The following PRRC2C variants were observed in gnomAD, a reference collection of about 807,000 sequenced individuals.
PRRC2C encodes the protein protein PRRC2C.
In PRRC2C, 72 loss-of-function variants were observed where a neutral mutation model predicts 317.2. The ratio of observed to expected loss-of-function variants is 0.23; its 90% CI spans 0.19 to 0.28. PRRC2C has a LOEUF of 0.28. Among genes scored for constraint, PRRC2C ranks in the 10% least tolerant of loss-of-function variants. The pLI is 1.00. For synonymous variants in PRRC2C, 1,296 were observed against 1,205.9 expected (o/e 1.07, Z -1.55); for missense variants, 3,074 against 3,459.7 (o/e 0.89, Z 2.80).
intron 1 of PRRC2C, among the ~76,000 whole-genome samples, chr1:171,505,642 C>T (rs1177525753): frequency 6.6e-6 from 1 of 151,966 alleles, no homozygotes; most frequent in East Asian, 1.9e-4. Context: ...ATATCCTTAC[C>T]TCATTTCTCT....
In PRRC2C at chr1:171,515,859, A is replaced by T; in HGVS notation, c.526A>T (p.Asn176Tyr). ...YGPGPSLRPP[N>Y]VACWRDGGKA... Reference sequence around the variant, plus strand: ...ACCTGGACCCAGTTTACGTCCACCAAGTAAGAGTACTTTCTCTTTAATACA... The same window carrying T: ...ACCTGGACCCAGTTTACGTCCACCATGTAAGAGTACTTTCTCTTTAATACA... Residue 176 changes from asparagine to tyrosine, a missense_variant and splice_region_variant, in exon 5 of 35, where the codon AAT becomes TAT. Asn to Tyr is a moderately radical substitution (Grantham distance 143, BLOSUM62 -2). Coordinates refer to ENST00000647382, the MANE Select transcript of PRRC2C (RefSeq NM_001387844.1). The T allele has an allele frequency of 6.3e-7, 1 of 1,588,980 alleles. No individual in the cohort carries two copies. Among genetic ancestry groups the T allele is most frequent in the Admixed American group, 1.9e-5 (1 of 53,336 alleles).
rs942165724 is a variant in PRRC2C at position 171,532,787 on chromosome 1, A to G, written c.1699A>G (p.Lys567Glu). The part of the protein sequence containing the change: ...MEKERKQEKE[K>E]ELERQKEKEK... ...GAAAGAAAGAAAGCAAGAAAAAGAA[A>G]AAGAACTAGAACGGCAGAAAGAAAA... The change falls in exon 12 of 35, where the codon AAA (lysine) becomes GAA (glutamate). Residue 567 changes from lysine to glutamate, a missense_variant. Coordinates refer to ENST00000647382, the MANE Select transcript of PRRC2C (RefSeq NM_001387844.1). 5.1e-5 allele frequency: 79 copies of G among 1,545,762 alleles called. No individual in the cohort carries two copies. The highest frequency in any genetic ancestry group is 6.9e-5 in the Non-Finnish European group (79 of 1,150,252).
chr1:171,528,224 CTCCATCCCACTT>C (rs1271080924), intron 11 of PRRC2C, among the ~76,000 whole-genome samples: 1 of 151,956 alleles, frequency 6.6e-6, no homozygotes, highest in Non-Finnish European at 1.5e-5. Flanking sequence ...CTTTACATTA[CTCCATCCCACTT>C]TCCATCCCAT....
At chr1:171,489,361 C>T (rs1666706367) in intron 1 of PRRC2C, among the ~76,000 whole-genome samples, 1 of 151,980 alleles carries the variant, frequency 6.6e-6, no homozygotes, top group Non-Finnish European at 1.5e-5. Flanking sequence ...TTTGTAAGGC[C>T]CAGTGAATCA....
chr1:171,535,929 T>C (rs1197306463), intron 13 of PRRC2C, 100 bp from the exon 14 acceptor site: 1 of 1,421,650 alleles, frequency 7.0e-7, no homozygotes. Context: ...TTACTTTTCC[T>C]TCAAGGATTC....
chr1:171,577,682 C>A (rs1441094375), intron 26 of PRRC2C, 45 bp downstream of exon 26: 3 of 1,540,070 alleles, frequency 1.9e-6, no homozygotes, highest in Non-Finnish European at 2.7e-6. Context: ...AAAATGAAGA[C>A]TTACTAAAAT....
In PRRC2C at chr1:171,589,601, TGAA is replaced by T; in HGVS notation, c.8434_8436del (p.Lys2812del). On this transcript the variant is annotated inframe_deletion and splice_region_variant, in exon 34 of 35. Transcript: ENST00000647382. The stretch of plus-strand genomic sequence containing the variant: ...GCTGCGTTGAAGGCTGAACAAGACA[TGAA>T]GGTTAGTACAGTGTTAACAGCCAAC... The T allele has an allele frequency of 7.8e-7, 1 of 1,288,584 alleles. No homozygotes were observed. The highest frequency in any genetic ancestry group is 1.0e-6 in the Non-Finnish European group (1 of 987,794). The allele number at this position is 1,288,584 out of a possible 1,614,324, so 79.8% of individuals were successfully genotyped here. A position where few individuals can be genotyped will look rare whatever the true frequency, so the allele number is the denominator to read the frequency against.
intron 24 of PRRC2C, among the ~76,000 whole-genome samples, chr1:171,573,156 A>G (rs1685067122): frequency 6.6e-6 from 1 of 152,220 alleles, no homozygotes; most frequent in Admixed American, 6.5e-5. Flanking sequence ...CCAAGAACCT[A>G]TTGACGACAT....
At chr1:171,485,971 G>C (rs1665964352) in intron 1 of PRRC2C, among the ~76,000 whole-genome samples, 1 of 152,094 alleles carries the variant, frequency 6.6e-6, no homozygotes, top group Non-Finnish European at 1.5e-5. Flanking sequence ...CCCGCCCCAT[G>C]TGGTCTGCAG....
At chr1:171,577,004 G>T in intron 25 of PRRC2C, among the ~76,000 whole-genome samples, 1 of 152,162 alleles carries the variant, frequency 6.6e-6, no homozygotes, top group East Asian at 1.9e-4. Context: ...ATCTTTCAAG[G>T]CCCATGTATA....
At position 171,514,691 on chromosome 1, in the gene PRRC2C, TGAACA is replaced by T. The variant is rs765002297; in HGVS notation, c.400+48_400+52del. 3.4e-5 allele frequency: 49 copies of T among 1,452,550 alleles called. No individual in the cohort carries two copies. In the African/African-American group the frequency reaches 6.2e-4, roughly 18 times the overall value. The allele number at this position is 1,452,550 out of a possible 1,614,324, so 90.0% of individuals were successfully genotyped here. On this transcript the variant is annotated intron_variant, in intron 4 of 34. Coordinates refer to ENST00000647382, the MANE Select transcript of PRRC2C (RefSeq NM_001387844.1). Reference sequence around the variant, plus strand: ...GAAGCTGCCTAGGCTTGATAGTTACTGAACAGCCATGCAGGAGATAAGGGGTGAAC... The same window carrying T: ...GAAGCTGCCTAGGCTTGATAGTTACTGCCATGCAGGAGATAAGGGGTGAAC...
At chr1:171,542,794 C>T (rs1447348735) in intron 16 of PRRC2C, among the ~76,000 whole-genome samples, 1 of 151,888 alleles carries the variant, frequency 6.6e-6, no homozygotes, top group East Asian at 2.0e-4. Context: ...GGAGTCTCGC[C>T]TTGTCACCCA....
chr1:171,585,078 CTTTTTGT>C (rs1649557973), intron 30 of PRRC2C, among the ~76,000 whole-genome samples: 1 of 151,872 alleles, frequency 6.6e-6, no homozygotes, highest in East Asian at 1.9e-4. Flanking sequence ...CACCTGGCTG[CTTTTTGT>C]TTTTTGTTTT....
At chr1:171,486,043 G>A (rs1244540156) in intron 1 of PRRC2C, among the ~76,000 whole-genome samples, 1 of 151,702 alleles carries the variant, frequency 6.6e-6, no homozygotes, top group Non-Finnish European at 1.5e-5. Context: ...CCTGCGAGGG[G>A]ATTACGCATG....
rs183492425 is a variant in PRRC2C, at chr1:171,575,787, A to C, written c.6955+659A>C. 7.2e-5 allele frequency among the ~76,000 whole-genome samples: 11 copies of C among 152,220 alleles called. No individual in the cohort carries two copies. The East Asian group carries it at 1.9e-3, about 27-fold the overall frequency. ...TAGAAAAGTACACCCTTTTCCTTTT[A>C]CCATATGTAGAACCAAGTTTCTTCT... On this transcript the variant is annotated intron_variant, in intron 25 of 34. Transcript: ENST00000647382.
intron 20 of PRRC2C, among the ~76,000 whole-genome samples, chr1:171,565,145 C>G (rs771680073): frequency 3.9e-5 from 6 of 152,132 alleles, no homozygotes; most frequent in Non-Finnish European, 8.8e-5. Context: ...CAACTGTTCC[C>G]CATACCTGCT....
intron 16 of PRRC2C, 102 bp downstream of exon 16, chr1:171,542,331 C>CA (rs1396741212): frequency 1.9e-6 from 2 of 1,044,798 alleles, no homozygotes; most frequent in Non-Finnish European, 2.7e-6. Flanking sequence ...GATAAAGGAC[C>CA]AAAAAACATT....
At chr1:171,535,294 G>GA in intron 12 of PRRC2C, 134 bp from the exon 13 acceptor site, 1 of 709,224 alleles carries the variant, frequency 1.4e-6, no homozygotes, top group Admixed American at 3.6e-5. Context: ...TGTTAAAGTA[G>GA]AAAATAATGT....
chr1:171,513,375 A>G (rs1270317041), intron 3 of PRRC2C: 5 of 699,266 alleles, frequency 7.2e-6, no homozygotes, highest in Non-Finnish European at 1.2e-5. Context: ...AGAACAGATG[A>G]CAGAATTGGG....
Sources: gnomAD v4.1 joint callset for allele counts (sites outside exome capture counted in the v4.1 genomes callset) on GRCh38, gnomAD v4.1.1 for gene constraint, MANE v1.5 for transcripts, NCBI Gene and HGNC (gene_info 2026-07-23, HGNC 2026-07-21) for gene names.